Variants in SHANK2 observed in about 807,000 individuals in gnomAD.
SHANK2 encodes the protein SH3 and multiple ankyrin repeat domains protein 2.
In SHANK2, 43 loss-of-function variants were observed where a neutral mutation model predicts 133.7. The observed-to-expected ratio is 0.32, with a 90% CI of 0.25 to 0.41. The LOEUF is 0.41. Ranked by LOEUF, SHANK2 falls within the 10% of genes least tolerant of loss-of-function variation. SHANK2 has a pLI of 1.00. For missense variants in SHANK2, 1,994 were observed against 2,235.8 expected, an observed-to-expected ratio of 0.89 and a Z score of 2.18; for synonymous variants, 1,017 against 952.8, an observed-to-expected ratio of 1.07 and a Z score of -1.24.
At chr11:70,789,720 T>G (rs961278376) in intron 14 of SHANK2, among the ~76,000 whole-genome samples, 11 of 152,180 alleles carry the variant, frequency 7.2e-5, no homozygotes, top group Non-Finnish European at 2.9e-5. Flanking sequence ...TGTGGCATCT[T>G]ATGCCCCAGT....
chr11:71,234,232 C>T (rs190222109), intron 1 of SHANK2, among the ~76,000 whole-genome samples: 88 of 138,516 alleles, frequency 6.4e-4, no homozygotes, highest in African/African-American at 2.3e-3. Context: ...TGTGGTGGTG[C>T]GTGCCTGTAA....
intron 13 of SHANK2, among the ~76,000 whole-genome samples, chr11:70,800,312 C>T (rs1291289323): frequency 5.9e-5 from 9 of 152,246 alleles, no homozygotes; most frequent in African/African-American, 2.2e-4. Context: ...TGGCGTGAGC[C>T]ACTGCGCCGG....
intron 3 of SHANK2, among the ~76,000 whole-genome samples, chr11:71,138,835 A>T (rs1221916149): frequency 6.6e-6 from 1 of 150,860 alleles, no homozygotes; most frequent in Admixed American, 6.6e-5. Flanking sequence ...GAAAAAGAAA[A>T]ATCTGAGAGT....
chr11:71,210,874 G>C (rs59260051), intron 2 of SHANK2, among the ~76,000 whole-genome samples: 14,353 of 152,264 alleles, frequency 0.094, 877 homozygotes, highest in South Asian at 0.13. Context: ...GCAGTGAAGA[G>C]AGTGTGATGC....
chr11:70,531,745 G>T (rs1424581366), intron 17 of SHANK2, among the ~76,000 whole-genome samples: 4 of 152,158 alleles, frequency 2.6e-5, no homozygotes, highest in South Asian at 2.1e-4. Context: ...GGGAAGTCCT[G>T]GGCCTGCATG....
rs1323108849 is a variant in SHANK2, at chr11:71,115,600, A to T, written c.412-2236T>A. Among the ~76,000 whole-genome samples the T allele has an allele frequency of 7.2e-5, 11 of 152,274 alleles. No homozygotes were observed. In the East Asian group the frequency reaches 1.7e-3, roughly 24 times the overall value. On this transcript the variant is annotated intron_variant, in intron 4 of 25. Transcript: ENST00000601538. ...ACAACGCACACACTGCTCCATGAAC[A>T]CTTCCTCTGGGCCTCACGACCACTC... is the stretch of plus-strand genomic sequence containing the variant.
chr11:70,949,428 A>AGAG (rs1950801435), intron 10 of SHANK2, among the ~76,000 whole-genome samples: 1 of 152,216 alleles, frequency 6.6e-6, no homozygotes, highest in Non-Finnish European at 1.5e-5. Flanking sequence ...TCCGCCCGTC[A>AGAG]TGTGGGGAGA....
In SHANK2 at chr11:70,507,534, C is replaced by T. The variant is rs142117947; in HGVS notation, c.2062-4603G>A. Among the ~76,000 whole-genome samples, 6 of 152,258 alleles carry T rather than the reference C, an allele frequency of 3.9e-5. No individual in the cohort carries two copies. In the East Asian group the frequency reaches 1.2e-3, roughly 29 times the overall value. ...AGGGATGTCTGTGAGGGGCCTGCAA[C>T]AGCCTTTCTGAGCATGAGGAGGAGG... On this transcript the variant is annotated intron_variant, in intron 17 of 25. Coordinates refer to ENST00000601538, the MANE Select transcript of SHANK2 (RefSeq NM_012309.5).
chr11:70,834,743 G>A (rs1948781043), intron 11 of SHANK2, among the ~76,000 whole-genome samples: 2 of 152,206 alleles, frequency 1.3e-5, no homozygotes, highest in African/African-American at 4.8e-5. Flanking sequence ...GCACAAAGAG[G>A]TAGGAGTCTG....
At chr11:70,927,635 G>T (rs141641001) in intron 10 of SHANK2, among the ~76,000 whole-genome samples, 21 of 152,216 alleles carry the variant, frequency 1.4e-4, no homozygotes, top group African/African-American at 4.8e-4. Context: ...GCAGGGTCCT[G>T]GTGACCTTCA....
At chr11:70,752,609 G>A (rs1358251449) in intron 14 of SHANK2, among the ~76,000 whole-genome samples, 1 of 151,252 alleles carries the variant, frequency 6.6e-6, no homozygotes, top group Non-Finnish European at 1.5e-5. Context: ...GGGAGGCTGA[G>A]GCAGGAGAAT....
rs1342328883 is a variant in SHANK2, at chr11:71,174,393, A to C, written c.-12-27055T>G. ...GAGACCTCATTTCTATAAAAAATCA[A>C]AAATCAGGCCGGGTGTGGTGGCTCA... On this transcript the variant is annotated intron_variant, in intron 2 of 25. Transcript: ENST00000601538. 2.0e-5 allele frequency among the ~76,000 whole-genome samples: 3 copies of C among 152,182 alleles called. No homozygotes were observed. The East Asian group carries it at 5.8e-4, about 29-fold the overall frequency.
chr11:71,171,563 C>A (rs1282254068), intron 2 of SHANK2, among the ~76,000 whole-genome samples: 1 of 152,148 alleles, frequency 6.6e-6, no homozygotes, highest in Non-Finnish European at 1.5e-5. Flanking sequence ...ATGAGTGTGT[C>A]CAGCCCAGCG....
chr11:71,211,252 G>A (rs752364238), intron 2 of SHANK2, among the ~76,000 whole-genome samples: 1 of 130,346 alleles, frequency 7.7e-6, no homozygotes, highest in Admixed American at 9.4e-5. Context: ...ACACATCATC[G>A]AATTCACTCA....
At chr11:71,167,557 C>A (rs1953189802) in intron 2 of SHANK2, among the ~76,000 whole-genome samples, 1 of 133,694 alleles carries the variant, frequency 7.5e-6, no homozygotes, top group African/African-American at 2.9e-5. Context: ...CCCCCCACCT[C>A]CCTCCCGGAC....
At chr11:71,165,490 G>A (rs527348001) in intron 2 of SHANK2, among the ~76,000 whole-genome samples, 4 of 152,186 alleles carry the variant, frequency 2.6e-5, no homozygotes, top group Non-Finnish European at 5.9e-5. Context: ...AGGACGCTAT[G>A]CTGTGCAGCA....
intron 3 of SHANK2, among the ~76,000 whole-genome samples, chr11:71,135,516 C>T (rs1952421661): frequency 7.2e-6 from 1 of 138,728 alleles, no homozygotes; most frequent in South Asian, 2.3e-4. Context: ...GATGGAGTCT[C>T]ACTTTTGTCA....
intron 5 of SHANK2, among the ~76,000 whole-genome samples, chr11:71,112,501 C>A (rs1181153897): frequency 6.6e-6 from 1 of 152,172 alleles, no homozygotes; most frequent in Non-Finnish European, 1.5e-5. Context: ...GAGCTCGCAG[C>A]TGCAGGGGAG....
chr11:71,162,916 C>CA (rs1953049340), intron 2 of SHANK2, among the ~76,000 whole-genome samples: 1 of 151,012 alleles, frequency 6.6e-6, no homozygotes, highest in African/African-American at 2.4e-5. Flanking sequence ...ACTAAAAATA[C>CA]AAAAAAATTA....
Sources: gnomAD v4.1 joint callset for allele counts (sites outside exome capture counted in the v4.1 genomes callset) on GRCh38, gnomAD v4.1.1 for gene constraint, MANE v1.5 for transcripts, NCBI Gene and HGNC (gene_info 2026-07-23, HGNC 2026-07-21) for gene names.